The following FAM168A variants were observed in gnomAD, a reference collection of about 807,000 sequenced individuals.
FAM168A encodes the protein protein FAM168A.
FAM168A carries 3 observed loss-of-function variants against 28.5 expected under a neutral mutation model. That is an observed-to-expected ratio of 0.11 (90% CI 0.05 to 0.27). The LOEUF is 0.27. FAM168A is among the 10% of genes least tolerant of loss of function. The pLI is 1.00. For synonymous variants in FAM168A, 122 were observed against 124.2 expected, an observed-to-expected ratio of 0.98 and a Z score of 0.12; for missense variants, 222 against 311.5, an observed-to-expected ratio of 0.71 and a Z score of 2.16.
At chr11:73,557,306 A>G (rs1418192346) in intron 1 of FAM168A, among the ~76,000 whole-genome samples, 1 of 152,152 alleles carries the variant, frequency 6.6e-6, no homozygotes, top group Non-Finnish European at 1.5e-5. Context: ...ATGGAGACAA[A>G]GTTGAATGGT....
chr11:73,496,903 A>ACGCACG (rs1555027764), intron 1 of FAM168A, among the ~76,000 whole-genome samples: 1 of 148,496 alleles, frequency 6.7e-6, no homozygotes. Flanking sequence ...ACACACACAC[A>ACGCACG]CACGCACACA....
chr11:73,584,252 A>C (rs1168887805), intron 1 of FAM168A, among the ~76,000 whole-genome samples: 3 of 151,814 alleles, frequency 2.0e-5, no homozygotes, highest in Non-Finnish European at 4.4e-5. Flanking sequence ...TGCTCCCTGC[A>C]GCCTCGACCT....
intron 1 of FAM168A, among the ~76,000 whole-genome samples, chr11:73,483,463 G>C (rs1867995377): frequency 6.6e-6 from 1 of 152,184 alleles, no homozygotes; most frequent in Admixed American, 6.5e-5. Flanking sequence ...CTATGAAGAT[G>C]CTATGGAGGA....
At chr11:73,452,236 G>A (rs1271344190) in intron 2 of FAM168A, 2 of 152,216 alleles carry the variant, frequency 1.3e-5, no homozygotes, top group Non-Finnish European at 2.9e-5. Flanking sequence ...CTTCACCAAG[G>A]GAGCTAACAA....
rs116786444 is a variant in FAM168A at position 73,454,209 on chromosome 11, A to G, written c.70+14196T>C. ...AAAATTGCATTTACAAGAAAATGCA[A>G]AAGAAATAGACTAAGGGAAGGAGTC... On this transcript the variant is annotated intron_variant, in intron 2 of 7. Transcript: ENST00000356467. Among the ~76,000 whole-genome samples, 184 of 152,328 alleles carry G rather than the reference A, an allele frequency of 1.2e-3. 1 individual carries two copies. Among genetic ancestry groups the G allele is most frequent in the African/African-American group, 4.3e-3 (177 of 41,576 alleles).
At chr11:73,450,411 G>A (rs1410335533) in intron 2 of FAM168A, among the ~76,000 whole-genome samples, 1 of 152,200 alleles carries the variant, frequency 6.6e-6, no homozygotes, top group African/African-American at 2.4e-5. Context: ...TAGGGTTTCT[G>A]ATTCTGTAAG....
chr11:73,535,937 C>G (rs1202304072), intron 1 of FAM168A, among the ~76,000 whole-genome samples: 1 of 151,750 alleles, frequency 6.6e-6, no homozygotes, highest in Non-Finnish European at 1.5e-5. Context: ...CCCAACCTCC[C>G]TGGGCTCAGG....
intron 1 of FAM168A, among the ~76,000 whole-genome samples, chr11:73,534,403 A>T (rs964865184): frequency 1.3e-5 from 2 of 149,110 alleles, no homozygotes; most frequent in Non-Finnish European, 3.0e-5. Flanking sequence ...ATTTTTATTT[A>T]TTTATTTTTT....
intron 1 of FAM168A, 62 bp downstream of exon 1, chr11:73,597,861 C>T (rs1267990970): frequency 6.6e-6 from 1 of 152,328 alleles, no homozygotes; most frequent in Admixed American, 6.6e-5. Context: ...CTCTCATTCT[C>T]GCCAGCGCCA....
intron 1 of FAM168A, among the ~76,000 whole-genome samples, chr11:73,476,120 G>A (rs1867884807): frequency 6.6e-6 from 1 of 152,126 alleles, no homozygotes; most frequent in African/African-American, 2.4e-5. Flanking sequence ...TGAATTTAAG[G>A]CCTTGGACAT....
intron 1 of FAM168A, among the ~76,000 whole-genome samples, chr11:73,565,239 C>G (rs1463138367): frequency 6.6e-6 from 1 of 152,176 alleles, no homozygotes; most frequent in Non-Finnish European, 1.5e-5. Context: ...GATATTCTGT[C>G]ATTTCCCAGC....
intron 1 of FAM168A, among the ~76,000 whole-genome samples, chr11:73,595,440 G>T (rs1944431904): frequency 1.3e-5 from 2 of 152,198 alleles, no homozygotes; most frequent in Non-Finnish European, 2.9e-5. Context: ...TCTGAAGCTT[G>T]AACAAAAATA....
At chr11:73,470,279 A>C (rs1299064836) in intron 1 of FAM168A, among the ~76,000 whole-genome samples, 2 of 152,180 alleles carry the variant, frequency 1.3e-5, no homozygotes, top group Non-Finnish European at 2.9e-5. Flanking sequence ...TGATGTGGCA[A>C]TGTTGCTCAT....
intron 1 of FAM168A, among the ~76,000 whole-genome samples, chr11:73,539,103 A>G (rs1161355313): frequency 6.6e-6 from 1 of 152,210 alleles, no homozygotes; most frequent in Admixed American, 6.5e-5. Context: ...GCGCATTTCA[A>G]TCTGCTATGC....
chr11:73,556,976 C>T (rs1241118047), intron 1 of FAM168A, among the ~76,000 whole-genome samples: 1 of 151,728 alleles, frequency 6.6e-6, no homozygotes, highest in Non-Finnish European at 1.5e-5. Context: ...TTGCAGTGAG[C>T]CAAGATCACA....
intron 6 of FAM168A, 121 bp downstream of exon 6, chr11:73,409,366 C>A: frequency 7.6e-7 from 1 of 1,323,816 alleles, no homozygotes; most frequent in Non-Finnish European, 1.0e-6. Flanking sequence ...CTCTGGGTTC[C>A]CAAGCCCCCT....
chr11:73,456,411 T>C (rs1867532703), intron 2 of FAM168A, among the ~76,000 whole-genome samples: 1 of 152,246 alleles, frequency 6.6e-6, no homozygotes, highest in Admixed American at 6.5e-5. Flanking sequence ...AATATACTGC[T>C]ATGTCTTGAG....
At chr11:73,536,369 C>T (rs181702018) in intron 1 of FAM168A, among the ~76,000 whole-genome samples, 2 of 152,072 alleles carry the variant, frequency 1.3e-5, no homozygotes, top group African/African-American at 4.8e-5. Context: ...ATCAGGTGAA[C>T]CTCAGCCATC....
At position 73,419,887 on chromosome 11, in the gene FAM168A, G is replaced by C. The variant is rs748887735; in HGVS notation, c.264C>G (p.Ser88=). The C allele has an allele frequency of 6.2e-7, 1 of 1,614,034 alleles. No homozygotes were observed. Among genetic ancestry groups the C allele is most frequent in the Admixed American group, 1.7e-5 (1 of 60,008 alleles). The change falls in exon 4 of 8, where the codon TCC becomes TCG. Residue 88 remains serine (S), a synonymous_variant. Coordinates refer to ENST00000356467, the MANE Select transcript of FAM168A (RefSeq NM_015159.3). ...GGCTGTATTTACTGAAAGCCGCAGAGGATGCTTGGTAAGTTCGGTTCTCGG... is the reference window on the plus strand; with the variant it reads ...GGCTGTATTTACTGAAAGCCGCAGACGATGCTTGGTAAGTTCGGTTCTCGG... ...TGTENRTYQA[S]SAAFRYTAGT...
Sources: gnomAD v4.1 joint callset for allele counts (sites outside exome capture counted in the v4.1 genomes callset) on GRCh38, gnomAD v4.1.1 for gene constraint, MANE v1.5 for transcripts, NCBI Gene and HGNC (gene_info 2026-07-23, HGNC 2026-07-21) for gene names.